C4orf36: variants seen among roughly 807,000 people sequenced by gnomAD.
C4orf36 encodes the protein chromosome 4 open reading frame 36.
In C4orf36, 11 loss-of-function variants were observed where a neutral mutation model predicts 12.2. That is an observed-to-expected ratio of 0.90 (90% CI 0.57 to 1.49). The LOEUF is 1.49. Among genes scored for constraint, C4orf36 ranks in the 40% most tolerant of loss-of-function variants. The pLI is 0.00. For missense variants in C4orf36, 137 were observed against 133.9 expected (o/e 1.02, Z -0.11); for synonymous variants, 54 against 51.3 (o/e 1.05, Z -0.22).
the C4orf36 span, among the ~76,000 whole-genome samples, chr4:86,926,846 C>A: frequency 7.2e-5 from 11 of 152,212 alleles, no homozygotes; most frequent in Non-Finnish European, 1.3e-4. Context: ...TATGCATTAT[C>A]ATTTCCTGCT....
the C4orf36 span, among the ~76,000 whole-genome samples, chr4:86,919,315 C>CTTTTTTTTTTTTTTTT: frequency 3.7e-5 from 3 of 81,354 alleles, no homozygotes; most frequent in African/African-American, 5.5e-5. Flanking sequence ...TTTTTTCCCC[C>CTTTTTTTTTTTTTTTT]TTTTTTTTTT....
chr4:86,880,247 C>G (rs565441487), intron 4 of C4orf36, among the ~76,000 whole-genome samples: 1 of 152,206 alleles, frequency 6.6e-6, no homozygotes, highest in East Asian at 1.9e-4. Flanking sequence ...CCAAGGTGAA[C>G]AGATCAGTTG....
chr4:86,888,129 G>A lies in C4orf36; in HGVS notation c.212C>T (p.Ser71Phe), dbSNP rs748132178. 4.3e-6 allele frequency: 7 copies of A among 1,612,752 alleles called. No homozygotes were observed. The highest frequency in any genetic ancestry group is 5.9e-6 in the Non-Finnish European group (7 of 1,179,556). ...GAACTTAAGGAACTTACATTCTGCA[G>A]AAGGGAGCAGTCCATCTTTAATGGT... ...CTTIKDGLLP[S>F]AESIKLEREY... The change falls in exon 3 of 5, where the codon TCT becomes TTT. Residue 71 changes from serine (S) to phenylalanine (F), a missense_variant. Physicochemically the swap from Ser to Phe is radical, Grantham distance 155 (BLOSUM62 -2). Transcript: ENST00000295898.
chr4:86,904,175 G>A, the C4orf36 span, among the ~76,000 whole-genome samples: 1 of 152,318 alleles, frequency 6.6e-6, no homozygotes, highest in African/African-American at 2.4e-5. Context: ...CCGAGATCAA[G>A]CCCAGCAGGA....
chr4:86,897,050 G>A (rs867149645), upstream of C4orf36, among the ~76,000 whole-genome samples: 5 of 152,194 alleles, frequency 3.3e-5, no homozygotes, highest in Non-Finnish European at 7.4e-5. Flanking sequence ...TACAGTTAAG[G>A]GGGAAAAATG....
At chr4:86,889,025 T>C (rs1444125149) in intron 2 of C4orf36, among the ~76,000 whole-genome samples, 1 of 152,234 alleles carries the variant, frequency 6.6e-6, no homozygotes, top group East Asian at 1.9e-4. Flanking sequence ...CATTGAAGTG[T>C]TGAAGTGTCA....
chr4:86,930,199 A>G, the C4orf36 span, among the ~76,000 whole-genome samples: 9 of 152,344 alleles, frequency 5.9e-5, no homozygotes, highest in South Asian at 1.9e-3. Context: ...TGACTTTCCC[A>G]TAATCATTCA....
At chr4:86,934,010 AGAGTT>A in the C4orf36 span, among the ~76,000 whole-genome samples, 1 of 152,272 alleles carries the variant, frequency 6.6e-6, no homozygotes, top group Non-Finnish European at 1.5e-5. Context: ...GGACAATAAA[AGAGTT>A]GAGCAGAGCA....
the C4orf36 span, chr4:86,913,400 G>A: frequency 1.3e-6 from 1 of 758,812 alleles, no homozygotes; most frequent in Non-Finnish European, 2.4e-6. Flanking sequence ...TTCGGGTGCA[G>A]CATCTCCAAC....
intron 4 of C4orf36, among the ~76,000 whole-genome samples, chr4:86,884,943 C>T (rs916890008): frequency 6.6e-6 from 1 of 152,172 alleles, no homozygotes; most frequent in Non-Finnish European, 1.5e-5. Context: ...TTCCCAGCAC[C>T]ATTTGTTAAA....
At chr4:86,933,151 T>C in the C4orf36 span, 7 of 142,510 alleles carry the variant, frequency 4.9e-5, no homozygotes, top group African/African-American at 1.8e-4. Flanking sequence ...AAAATAATAA[T>C]AACTCACTGG....
At chr4:86,881,971 C>T (rs1004487719) in intron 4 of C4orf36, among the ~76,000 whole-genome samples, 4 of 152,208 alleles carry the variant, frequency 2.6e-5, no homozygotes, top group Non-Finnish European at 5.9e-5. Context: ...CGCCTCCATG[C>T]CCGGCCCTGA....
the C4orf36 span, among the ~76,000 whole-genome samples, chr4:86,899,833 A>C: frequency 6.6e-6 from 1 of 152,210 alleles, no homozygotes; most frequent in Admixed American, 6.5e-5. Context: ...CCTGTCTCAA[A>C]TAAATAAAAT....
At chr4:86,885,998 C>G (rs538548996) in intron 4 of C4orf36, among the ~76,000 whole-genome samples, 1 of 152,044 alleles carries the variant, frequency 6.6e-6, no homozygotes, top group Admixed American at 6.5e-5. Context: ...TGCTGGATTA[C>G]GTTTATTGAT....
At chr4:86,892,032 C>T in intron 1 of C4orf36, 151 bp downstream of exon 1, 1 of 986,324 alleles carries the variant, frequency 1.0e-6, no homozygotes, top group Non-Finnish European at 1.2e-6. Context: ...CGTCCCCGCC[C>T]TTGCACGCCG....
intron 2 of C4orf36, among the ~76,000 whole-genome samples, chr4:86,891,185 A>C (rs1352901079): frequency 6.6e-6 from 1 of 151,802 alleles, no homozygotes; most frequent in African/African-American, 2.4e-5. Flanking sequence ...GCATTTCCTT[A>C]CTACAGGACT....
In C4orf36 at chr4:86,891,445, A is replaced by G; in HGVS notation, c.65+11T>C. ...GCTTACCCTGATTTAAAAAAAAAAA[A>G]TAGTACTTACACATTATAACAACTG... On this transcript the variant is annotated intron_variant, in intron 2 of 4. Coordinates refer to ENST00000295898, the MANE Select transcript of C4orf36 (RefSeq NM_144645.4). 6.3e-7 allele frequency: 1 copy of G among 1,596,962 alleles called. No individual in the cohort carries two copies. The highest frequency in any genetic ancestry group is 1.1e-5 in the South Asian group (1 of 89,216).
the C4orf36 span, among the ~76,000 whole-genome samples, chr4:86,910,944 G>A: frequency 1.9e-4 from 29 of 152,090 alleles, no homozygotes; most frequent in African/African-American, 6.5e-4. Context: ...ATAGCTGAGC[G>A]TGGTGGCTTG....
the C4orf36 span, among the ~76,000 whole-genome samples, chr4:86,906,858 G>A: frequency 4.6e-5 from 7 of 151,572 alleles, no homozygotes; most frequent in African/African-American, 9.7e-5. Flanking sequence ...TGGCCAACAT[G>A]GCAAAACCCC....
Sources: allele counts gnomAD v4.1 joint callset (sites outside exome capture counted in the v4.1 genomes callset), GRCh38; gene constraint gnomAD v4.1.1; transcripts MANE v1.5; gene names NCBI Gene and HGNC (gene_info 2026-07-23, HGNC 2026-07-21).